Variants in ATG10 observed in about 807,000 individuals in gnomAD.
ATG10 encodes autophagy related 10, also known as ubiquitin-like-conjugating enzyme ATG10.
A neutral mutation model predicts 32.1 loss-of-function variants in ATG10; 30 were observed. The observed-to-expected ratio is 0.94, with a 90% CI of 0.70 to 1.27. The LOEUF (loss-of-function observed/expected upper bound fraction) is 1.27. Ranked by LOEUF, ATG10 falls within the 50% of genes most tolerant of loss-of-function variation. The probability of loss-of-function intolerance (pLI) is 0.00; values close to 1 mark genes in which losing one functional copy is unlikely to be tolerated. For missense variants in ATG10, 233 were observed against 262.3 expected (o/e 0.89, Z 0.77); for synonymous variants, 87 against 91.5 (o/e 0.95, Z 0.28).
intron 3 of ATG10, among the ~76,000 whole-genome samples, chr5:82,072,271 A>G (rs765683922): frequency 6.6e-6 from 1 of 152,030 alleles, no homozygotes; most frequent in Non-Finnish European, 1.5e-5. Context: ...CTTGCTTGCT[A>G]GAGGTTATCT....
intron 4 of ATG10, among the ~76,000 whole-genome samples, chr5:82,168,134 G>GC (rs1310958646): frequency 6.6e-6 from 1 of 150,414 alleles, no homozygotes; most frequent in African/African-American, 2.4e-5. Context: ...TTTGTATCAT[G>GC]CCAAAGCCTT....
At chr5:82,090,482 G>A (rs1027869937) in intron 3 of ATG10, among the ~76,000 whole-genome samples, 2 of 152,194 alleles carry the variant, frequency 1.3e-5, no homozygotes, top group African/African-American at 2.4e-5. Flanking sequence ...AGAGAATGAT[G>A]CTGAATGAAT....
intron 2 of ATG10, among the ~76,000 whole-genome samples, chr5:82,044,524 C>T (rs180843357): frequency 3.4e-4 from 52 of 152,042 alleles, no homozygotes; most frequent in African/African-American, 1.1e-3. Context: ...AATTGAAAGC[C>T]AGACATTGTG....
At chr5:82,167,475 A>T (rs1192863657) in intron 4 of ATG10, among the ~76,000 whole-genome samples, 1 of 152,256 alleles carries the variant, frequency 6.6e-6, no homozygotes, top group Non-Finnish European at 1.5e-5. Context: ...CATTTAAAAA[A>T]TACAGCCCAA....
intron 2 of ATG10, among the ~76,000 whole-genome samples, chr5:82,055,092 A>G (rs1174411514): frequency 1.3e-5 from 2 of 152,140 alleles, no homozygotes; most frequent in Non-Finnish European, 2.9e-5. Context: ...GCATCCTTCA[A>G]CAGTGAAGCA....
chr5:82,088,664 G>A (rs1282334064), intron 3 of ATG10, among the ~76,000 whole-genome samples: 1 of 152,072 alleles, frequency 6.6e-6, no homozygotes, highest in African/African-American at 2.4e-5. Context: ...GTGACTGATT[G>A]GATATAGAAA....
chr5:81,982,820 C>G (rs10072747), intron 1 of ATG10, among the ~76,000 whole-genome samples: 96,306 of 152,082 alleles, frequency 0.63, 32,585 homozygotes, highest in East Asian at 0.99. Flanking sequence ...CTTGCACCGC[C>G]CTTAATCCAT....
At chr5:82,249,136 T>G (rs2150028331) in intron 5 of ATG10, among the ~76,000 whole-genome samples, 1 of 152,282 alleles carries the variant, frequency 6.6e-6, no homozygotes, top group Middle Eastern at 3.4e-3. Flanking sequence ...AAATGAATAT[T>G]AAAATGTTGT....
chr5:82,041,482 T>A (rs1763079622), intron 2 of ATG10, among the ~76,000 whole-genome samples: 1 of 152,160 alleles, frequency 6.6e-6, no homozygotes, highest in Admixed American at 6.5e-5. Context: ...GGGAACAAAC[T>A]TTGGTATATT....
chr5:82,090,874 G>C (rs1001293190), intron 3 of ATG10, among the ~76,000 whole-genome samples: 10 of 152,256 alleles, frequency 6.6e-5, no homozygotes, highest in African/African-American at 1.9e-4. Flanking sequence ...AGTTTAATTA[G>C]AAAATGATTT....
chr5:82,178,978 T>A (rs1744135996), intron 5 of ATG10, among the ~76,000 whole-genome samples: 1 of 152,152 alleles, frequency 6.6e-6, no homozygotes, highest in Non-Finnish European at 1.5e-5. Flanking sequence ...ACACCTAATC[T>A]ACTAAACATG....
intron 2 of ATG10, among the ~76,000 whole-genome samples, chr5:82,016,766 G>A (rs944147491): frequency 1.5e-4 from 22 of 151,384 alleles, no homozygotes; most frequent in African/African-American, 3.6e-4. Flanking sequence ...TCAGCTCACC[G>A]CAAGCTCTGC....
Position 82,033,729 on chromosome 5 carries a change from A to AACACAC in ATG10, c.109-24740_109-24735dup, listed in dbSNP as rs59922803. On this transcript the variant is annotated intron_variant, in intron 2 of 7. Coordinates refer to ENST00000282185, the MANE Select transcript of ATG10 (RefSeq NM_031482.5). ...GTTACTTGGCTGTAAATACTATACA[A>AACACAC]ACACACACACACACACACACACACA... is the stretch of plus-strand genomic sequence containing the variant. Among the ~76,000 whole-genome samples, 299 of 146,322 alleles carry AACACAC rather than the reference A, an allele frequency of 2.0e-3. 1 individual carries two copies. The highest frequency in any genetic ancestry group is 7.2e-3 in the African/African-American group (287 of 39,766).
intron 5 of ATG10, among the ~76,000 whole-genome samples, chr5:82,183,021 A>G (rs1293236293): frequency 1.3e-5 from 2 of 152,168 alleles, no homozygotes; most frequent in Admixed American, 1.3e-4. Context: ...ATGGGATTAC[A>G]GGCATGAATC....
intron 3 of ATG10, among the ~76,000 whole-genome samples, chr5:82,070,577 A>G (rs191424548): frequency 6.6e-6 from 1 of 152,134 alleles, no homozygotes; most frequent in African/African-American, 2.4e-5. Context: ...CATTCTTTGT[A>G]TATTCTTTTT....
At chr5:82,085,628 T>C (rs1047163547) in intron 3 of ATG10, among the ~76,000 whole-genome samples, 2 of 151,160 alleles carry the variant, frequency 1.3e-5, no homozygotes, top group African/African-American at 4.9e-5. Flanking sequence ...CCCTAGAACT[T>C]AAAGTATAAC....
chr5:82,041,680 C>G (rs2149728235), intron 2 of ATG10, among the ~76,000 whole-genome samples: 1 of 152,162 alleles, frequency 6.6e-6, no homozygotes, highest in East Asian at 1.9e-4. Context: ...GGTAAATGAG[C>G]TCTAGAAATC....
intron 3 of ATG10, among the ~76,000 whole-genome samples, chr5:82,077,683 A>G (rs1053931633): frequency 6.6e-6 from 1 of 152,224 alleles, no homozygotes; most frequent in African/African-American, 2.4e-5. Flanking sequence ...AAAGCGCGGT[A>G]GTGCAGACGT....
intron 3 of ATG10, among the ~76,000 whole-genome samples, chr5:82,157,531 T>G (rs990577249): frequency 6.6e-6 from 1 of 152,216 alleles, no homozygotes; most frequent in African/African-American, 2.4e-5. Context: ...ACCACTCCAC[T>G]GTATGATAAT....
Sources: gnomAD v4.1 joint callset for allele counts (sites outside exome capture counted in the v4.1 genomes callset) on GRCh38, gnomAD v4.1.1 for gene constraint, MANE v1.5 for transcripts, NCBI Gene and HGNC (gene_info 2026-07-23, HGNC 2026-07-21) for gene names.